The following DPP6 variants were observed in gnomAD, a reference collection of about 807,000 sequenced individuals.
The protein encoded by DPP6 is A-type potassium channel modulatory protein DPP6.
DPP6 carries 69 observed loss-of-function variants against 122.6 expected under a neutral mutation model. That is an observed-to-expected ratio of 0.56 (90% CI 0.46 to 0.69). The LOEUF is 0.69. Ranked by LOEUF, DPP6 falls within the 30% of genes least tolerant of loss-of-function variation. The pLI, the probability that DPP6 is intolerant of heterozygous loss-of-function variation, is 0.00. For synonymous variants in DPP6, 418 were observed against 433.1 expected, an observed-to-expected ratio of 0.97 and a Z score of 0.43; for missense variants, 928 against 1,116.9, an observed-to-expected ratio of 0.83 and a Z score of 2.41.
chr7:153,784,348 G>C, the DPP6 span, among the ~76,000 whole-genome samples: 4 of 152,202 alleles, frequency 2.6e-5, no homozygotes, highest in African/African-American at 9.6e-5. Context: ...GGAATCACAT[G>C]ATAGTTAAAA....
At chr7:154,639,631 G>T (rs912113362) in intron 6 of DPP6, among the ~76,000 whole-genome samples, 6 of 152,176 alleles carry the variant, frequency 3.9e-5, no homozygotes, top group African/African-American at 1.4e-4. Context: ...ACAGGAGTTT[G>T]CTGAACAAGC....
At chr7:154,023,800 A>G (rs961645929) in intron 1 of DPP6, among the ~76,000 whole-genome samples, 1 of 152,106 alleles carries the variant, frequency 6.6e-6, no homozygotes, top group African/African-American at 2.4e-5. Context: ...GATATTTTAC[A>G]TAACAGATTG....
At chr7:153,969,416 C>T (rs1213044242) in intron 1 of DPP6, among the ~76,000 whole-genome samples, 2 of 146,866 alleles carry the variant, frequency 1.4e-5, no homozygotes, top group African/African-American at 5.4e-5. Context: ...ATTTCTCATC[C>T]TATTGCTTAT....
At chr7:154,033,385 G>A (rs1771871608) in intron 1 of DPP6, among the ~76,000 whole-genome samples, 1 of 152,222 alleles carries the variant, frequency 6.6e-6, no homozygotes. Flanking sequence ...ACTCTGGGGA[G>A]AAGACACTTG....
intron 1 of DPP6, among the ~76,000 whole-genome samples, chr7:153,898,969 C>G (rs1799524654): frequency 6.6e-6 from 1 of 152,146 alleles, no homozygotes; most frequent in Non-Finnish European, 1.5e-5. Context: ...TGAAATAAGT[C>G]ACCATTATTC....
chr7:154,297,594 T>C (rs1391398413), intron 1 of DPP6, among the ~76,000 whole-genome samples: 1 of 152,212 alleles, frequency 6.6e-6, no homozygotes, highest in African/African-American at 2.4e-5. Flanking sequence ...GGACTTGGAC[T>C]GTATCAATTT....
chr7:154,870,391 G>A (rs1023905089), intron 18 of DPP6, among the ~76,000 whole-genome samples: 8 of 152,112 alleles, frequency 5.3e-5, no homozygotes, highest in African/African-American at 1.7e-4. Flanking sequence ...GATCACTTGA[G>A]GTCAGGAGTT....
At chr7:154,240,559 C>A (rs1468857921) in intron 1 of DPP6, among the ~76,000 whole-genome samples, 1 of 152,154 alleles carries the variant, frequency 6.6e-6, no homozygotes, top group Admixed American at 6.5e-5. Context: ...ATAACTATCT[C>A]CTGTAAAATC....
chr7:154,219,752 A>G (rs1563331530), intron 1 of DPP6, among the ~76,000 whole-genome samples: 1 of 151,842 alleles, frequency 6.6e-6, no homozygotes, highest in African/African-American at 2.4e-5. Context: ...CACCTGGCTA[A>G]TTTTTTGTGT....
chr7:154,449,963 C>T lies in DPP6; in HGVS notation c.358+3635C>T, dbSNP rs1038322221. 1.8e-4 allele frequency among the ~76,000 whole-genome samples: 27 copies of T among 151,780 alleles called. 1 individual carries two copies. The highest frequency in any genetic ancestry group is 3.4e-3 in the Middle Eastern group (1 of 294). ...GGTGGAGGTTGCAGTGAGTTGAGATCGTGCCATTGCATTCCAGCCTGGGTG... is the reference window on the plus strand; with the variant it reads ...GGTGGAGGTTGCAGTGAGTTGAGATTGTGCCATTGCATTCCAGCCTGGGTG... On this transcript the variant is annotated intron_variant, in intron 2 of 25. Transcript: ENST00000377770.
At position 153,986,340 on chromosome 7, in the gene DPP6, A is replaced by G. The variant is rs1585133731; in HGVS notation, c.51+98606A>G. Among the ~76,000 whole-genome samples, 5 of 151,726 alleles carry G rather than the reference A, an allele frequency of 3.3e-5. No individual in the cohort carries two copies. In the East Asian group the frequency reaches 5.8e-4, roughly 18 times the overall value. ...GAGAAGCTATCTTTCTATTTTTTTTATGGCTTCTTCTGAACTCCTACCGAG... is the reference window on the plus strand; with the variant it reads ...GAGAAGCTATCTTTCTATTTTTTTTGTGGCTTCTTCTGAACTCCTACCGAG... On this transcript the variant is annotated intron_variant, in intron 1 of 25. Coordinates refer to the DPP6 transcript ENST00000404039.
At position 154,879,512 on chromosome 7, in the gene DPP6, C is replaced by T. The variant is rs1482366929; in HGVS notation, c.2079-1376C>T. ...GGCTGAGGCAGGAGAATGGCGTGAA[C>T]CCCAGGGGGCGGAGCCTGCAGTGAG... On this transcript the variant is annotated intron_variant, in intron 20 of 25. Transcript: ENST00000377770. Among the ~76,000 whole-genome samples, 6 of 136,666 alleles carry T rather than the reference C, an allele frequency of 4.4e-5. 1 individual carries two copies. Among genetic ancestry groups the T allele is most frequent in the African/African-American group, 1.7e-4 (6 of 34,490 alleles). 89.7% of individuals were successfully genotyped at this position (136,666 alleles called of 152,430 possible).
rs576118346 is a variant in DPP6, at chr7:154,606,452, T to C, written c.628-31369T>C. Among the ~76,000 whole-genome samples, 126 of 121,026 alleles carry C rather than the reference T, an allele frequency of 1.0e-3. 21 individuals carry two copies. Among genetic ancestry groups the C allele is most frequent in the African/African-American group, 3.2e-3 (120 of 38,088 alleles). The allele number at this position is 121,026 out of a possible 152,430, so 79.4% of individuals were successfully genotyped here. On this transcript the variant is annotated intron_variant, in intron 5 of 25. Coordinates refer to ENST00000377770, the MANE Select transcript of DPP6 (RefSeq NM_130797.4). Reference sequence around the variant, plus strand: ...TCTGCTGGGAGTATAATTGCACTAGTTTTTGTTTTCCTTTTGGTTATTTGC... The same window carrying C: ...TCTGCTGGGAGTATAATTGCACTAGCTTTTGTTTTCCTTTTGGTTATTTGC...
chr7:154,255,097 A>G (rs939738436), intron 1 of DPP6, among the ~76,000 whole-genome samples: 1 of 152,188 alleles, frequency 6.6e-6, no homozygotes, highest in African/African-American at 2.4e-5. Context: ...ACAAATGAAT[A>G]AAGGCATGTG....
chr7:154,108,596 T>C (rs1205157044), intron 1 of DPP6, among the ~76,000 whole-genome samples: 2 of 152,162 alleles, frequency 1.3e-5, no homozygotes, highest in East Asian at 1.9e-4. Context: ...GAGCTGAACT[T>C]AATCAAGCTC....
intron 1 of DPP6, among the ~76,000 whole-genome samples, chr7:153,961,458 G>A (rs1035504265): frequency 3.2e-4 from 48 of 150,232 alleles, no homozygotes; most frequent in African/African-American, 1.0e-3. Context: ...AGCTTCCCTC[G>A]CTGCTGTCTG....
At chr7:154,694,297 T>C (rs1241850881) in intron 7 of DPP6, among the ~76,000 whole-genome samples, 2 of 152,168 alleles carry the variant, frequency 1.3e-5, no homozygotes, top group East Asian at 3.9e-4. Context: ...GACACGAACA[T>C]TCAATGTGTA....
intron 1 of DPP6, among the ~76,000 whole-genome samples, chr7:154,193,441 A>G (rs903041531): frequency 1.3e-5 from 2 of 152,230 alleles, no homozygotes; most frequent in Non-Finnish European, 2.9e-5. Context: ...AGAGGGGCAC[A>G]GTTTTTATGG....
chr7:154,870,656 G>T (rs536955483), intron 18 of DPP6, among the ~76,000 whole-genome samples: 1 of 152,018 alleles, frequency 6.6e-6, no homozygotes, highest in African/African-American at 2.4e-5. Flanking sequence ...GTGACAAGCT[G>T]CTTTGGCCAA....
Sources: allele counts gnomAD v4.1 joint callset (sites outside exome capture counted in the v4.1 genomes callset), GRCh38; gene constraint gnomAD v4.1.1; transcripts MANE v1.5; gene names NCBI Gene and HGNC (gene_info 2026-07-23, HGNC 2026-07-21).